The following FAM216B variants were observed in gnomAD, a reference collection of about 807,000 sequenced individuals.
The protein encoded by FAM216B is protein FAM216B.
In FAM216B, 11 loss-of-function variants were observed where a neutral mutation model predicts 12.9. The ratio of observed to expected loss-of-function variants is 0.86; its 90% CI spans 0.54 to 1.42. The LOEUF is 1.42. Among genes scored for constraint, FAM216B ranks in the 40% most tolerant of loss-of-function variants. FAM216B has a pLI of 0.00. For synonymous variants in FAM216B, 52 were observed against 57.2 expected (o/e 0.91, Z 0.41); for missense variants, 167 against 162.9 (o/e 1.02, Z -0.14).
chr13:42,786,235 A>G (rs1488703204), intron 2 of FAM216B, among the ~76,000 whole-genome samples: 1 of 152,182 alleles, frequency 6.6e-6, no homozygotes, highest in African/African-American at 2.4e-5. Context: ...CTCCTCATCT[A>G]AGACTCAGAT....
rs900301931 is a variant in FAM216B at position 42,789,221 on chromosome 13, A to T, written c.*431A>T. The T allele has an allele frequency of 1.3e-5, 2 of 153,138 alleles. No homozygotes were observed. Among genetic ancestry groups the T allele is most frequent in the Admixed American group, 1.3e-4 (2 of 15,410 alleles). 9.5% of individuals were successfully genotyped at this position (153,138 alleles called of 1,614,324 possible). A position where few individuals can be genotyped will look rare whatever the true frequency, so the allele number is the denominator to read the frequency against. ...CTGATCATAGAGGGCTTACAAAATC[A>T]TATCATCCCAGCAACAATTGGCCTG... On this transcript the variant is annotated 3_prime_UTR_variant, in exon 4 of 4. Coordinates refer to ENST00000313851, the MANE Select transcript of FAM216B (RefSeq NM_001318932.2).
intron 3 of FAM216B, among the ~76,000 whole-genome samples, chr13:42,787,978 G>C (rs1292420857): frequency 6.6e-6 from 1 of 152,086 alleles, no homozygotes; most frequent in South Asian, 2.1e-4. Flanking sequence ...CAGAGAAGCC[G>C]AGATTCAGTC....
rs770557247 is a variant in FAM216B, at chr13:42,790,550, T to C, written c.*1760T>C. On this transcript the variant is annotated 3_prime_UTR_variant, in exon 4 of 4. Coordinates refer to ENST00000313851, the MANE Select transcript of FAM216B (RefSeq NM_001318932.2). Reference sequence around the variant, plus strand: ...TTGGGCAAAAGATTCTATTTGTTGGTTCTCCCTTCTAAGATGATAATATGC... The same window carrying C: ...TTGGGCAAAAGATTCTATTTGTTGGCTCTCCCTTCTAAGATGATAATATGC... 6.6e-6 allele frequency: 1 copy of C among 152,148 alleles called. No individual in the cohort carries two copies. The highest frequency in any genetic ancestry group is 1.5e-5 in the Non-Finnish European group (1 of 68,012). 9.4% of individuals were successfully genotyped at this position (152,148 alleles called of 1,614,324 possible). A position where few individuals can be genotyped will look rare whatever the true frequency, so the allele number is the denominator to read the frequency against.
intron 3 of FAM216B, among the ~76,000 whole-genome samples, chr13:42,788,116 C>T (rs1298284991): frequency 6.6e-6 from 1 of 152,050 alleles, no homozygotes; most frequent in African/African-American, 2.4e-5. Context: ...ACATAAAATC[C>T]ACCAGGTACC....
chr13:42,785,765 C>G (rs889726992), intron 2 of FAM216B, among the ~76,000 whole-genome samples: 7 of 152,014 alleles, frequency 4.6e-5, no homozygotes. Flanking sequence ...CCATTCTCCA[C>G]TGCATGGCCA....
chr13:42,788,557 T>A, intron 3 of FAM216B, 34 bp from the exon 4 acceptor site: 3 of 1,521,224 alleles, frequency 2.0e-6, no homozygotes, highest in Non-Finnish European at 2.7e-6. Context: ...GTAAAATTGT[T>A]GATTTTGAAG....
intron 2 of FAM216B, among the ~76,000 whole-genome samples, chr13:42,784,539 C>T (rs1225769001): frequency 8.6e-5 from 13 of 151,342 alleles, no homozygotes; most frequent in Admixed American, 8.6e-4. Flanking sequence ...AGTTCTCGGC[C>T]GGGCGCGGTG....
Position 42,788,639 on chromosome 13 carries a change from A to T in FAM216B, c.269A>T (p.Asp90Val). Residue 90 changes from aspartate to valine, a missense_variant, in exon 4 of 4, where the codon GAT (aspartate) becomes GTT (valine). Physicochemically the swap from Asp to Val is radical, Grantham distance 152. Transcript: ENST00000313851. ...TTGTCTTATGCTCTTGTACTTAGAG[A>T]TTCAACCAAGAGAGCCTCAGCCAAG... ...EALSYALVLRDSTKRASAKVA... is the reference protein window; with the variant it reads ...EALSYALVLRVSTKRASAKVA... The T allele has an allele frequency of 6.2e-7, 1 of 1,613,874 alleles. No individual in the cohort carries two copies. The highest frequency in any genetic ancestry group is 8.5e-7 in the Non-Finnish European group (1 of 1,179,860).
In FAM216B at chr13:42,784,173, C is replaced by CTTTTTT. The variant is rs71202236; in HGVS notation, c.99+22_99+27dup. The CTTTTTT allele has an allele frequency of 0.041, 30,272 of 743,288 alleles. 2,521 individuals carry two copies. Among genetic ancestry groups the CTTTTTT allele is most frequent in the African/African-American group, 0.2 (7,087 of 35,428 alleles). 46.0% of individuals were successfully genotyped at this position (743,288 alleles called of 1,614,324 possible). Reference sequence around the variant, plus strand: ...TGACACTTCCTTACTAAAGGTATGGCTTTTTTTTTTTTTTTTTTTTCACAG... The same window carrying CTTTTTT: ...TGACACTTCCTTACTAAAGGTATGGCTTTTTTTTTTTTTTTTTTTTTTTTTTCACAG... On this transcript the variant is annotated splice_region_variant and intron_variant, in intron 2 of 3. Coordinates refer to ENST00000313851, the MANE Select transcript of FAM216B (RefSeq NM_001318932.2).
intron 2 of FAM216B, among the ~76,000 whole-genome samples, chr13:42,785,861 G>A (rs1356110130): frequency 6.6e-6 from 1 of 151,996 alleles, no homozygotes; most frequent in African/African-American, 2.4e-5. Context: ...AAGCTGTCCT[G>A]TGCATTACAG....
At chr13:42,786,087 A>G (rs1026314783) in intron 2 of FAM216B, among the ~76,000 whole-genome samples, 1 of 152,180 alleles carries the variant, frequency 6.6e-6, no homozygotes, top group Non-Finnish European at 1.5e-5. Flanking sequence ...AAAGGTTTCC[A>G]TCATCTTCCC....
At chr13:42,783,692 T>C (rs1431386107) in intron 1 of FAM216B, among the ~76,000 whole-genome samples, 1 of 152,064 alleles carries the variant, frequency 6.6e-6, no homozygotes, top group African/African-American at 2.4e-5. Context: ...TATATTACTT[T>C]TAGAATCAGA....
intron 3 of FAM216B, among the ~76,000 whole-genome samples, chr13:42,788,092 T>G (rs781377183): frequency 2.0e-5 from 3 of 152,220 alleles, no homozygotes; most frequent in African/African-American, 4.8e-5. Flanking sequence ...ACAGAAGTAT[T>G]CAATGCTTAG....
At chr13:42,787,512 C>T (rs925148811) in intron 3 of FAM216B, among the ~76,000 whole-genome samples, 1 of 152,188 alleles carries the variant, frequency 6.6e-6, no homozygotes, top group Non-Finnish European at 1.5e-5. Context: ...TTACAAAGCA[C>T]AAATGAAATA....
Position 42,791,305 on chromosome 13 carries a change from A to G in FAM216B, c.*2515A>G, listed in dbSNP as rs935326088. 2.6e-5 allele frequency: 4 copies of G among 152,180 alleles called. No homozygotes were observed. In the East Asian group the frequency reaches 5.8e-4, roughly 22 times the overall value. 9.4% of individuals were successfully genotyped at this position (152,180 alleles called of 1,614,324 possible). ...ACTCCACATGGAAACTAATTCAGGG[A>G]ATATCCTGCTATATAGTTGGCTCTC... On this transcript the variant is annotated 3_prime_UTR_variant, in exon 4 of 4. Coordinates refer to ENST00000313851, the MANE Select transcript of FAM216B (RefSeq NM_001318932.2).
intron 3 of FAM216B, 33 bp downstream of exon 3, chr13:42,786,916 C>T (rs1167935358): frequency 1.9e-6 from 3 of 1,611,216 alleles, no homozygotes; most frequent in African/African-American, 2.7e-5. Context: ...AACTAAGCAC[C>T]TAAGGAATCA....
intron 1 of FAM216B, 85 bp from the exon 2 acceptor site, chr13:42,783,969 A>T: frequency 1.3e-6 from 1 of 749,190 alleles, no homozygotes; most frequent in Non-Finnish European, 2.2e-6. Context: ...AAATTCATTT[A>T]CTTGCTTACT....
rs1460341620 is a variant in FAM216B, at chr13:42,781,628, A to G, written c.-51A>G. On this transcript the variant is annotated 5_prime_UTR_variant, in exon 1 of 4. An upstream start codon of the reference 5' UTR is lost. Coordinates refer to ENST00000313851, the MANE Select transcript of FAM216B (RefSeq NM_001318932.2). The stretch of plus-strand genomic sequence containing the variant: ...CGTAAGAAAACTACACTGAATAGGA[A>G]TGGCAGCTTTTAAAAGTGGGGGAAC... 2 of 152,226 alleles carry G rather than the reference A, an allele frequency of 1.3e-5. No homozygotes were observed. The highest frequency in any genetic ancestry group is 2.9e-5 in the Non-Finnish European group (2 of 68,038). The allele number at this position is 152,226 out of a possible 1,614,324, so 9.4% of individuals were successfully genotyped here. A position where few individuals can be genotyped will look rare whatever the true frequency, so the allele number is the denominator to read the frequency against.
intron 3 of FAM216B, 127 bp from the exon 4 acceptor site, chr13:42,788,463 TA>T: frequency 1.5e-6 from 1 of 646,848 alleles, no homozygotes; most frequent in Non-Finnish European, 2.6e-6. Flanking sequence ...AAAGATCATA[TA>T]ATCTGGGCAT....
Sources: allele counts gnomAD v4.1 joint callset (sites outside exome capture counted in the v4.1 genomes callset), GRCh38; gene constraint gnomAD v4.1.1; transcripts MANE v1.5; gene names NCBI Gene and HGNC (gene_info 2026-07-23, HGNC 2026-07-21).